The following ISM2 variants were observed in gnomAD, a reference collection of about 807,000 sequenced individuals.
The protein encoded by ISM2 is isthmin 2.
A neutral mutation model predicts 58.0 loss-of-function variants in ISM2; 50 were observed. The observed-to-expected ratio is 0.86, with a 90% CI of 0.69 to 1.09. The LOEUF is 1.09. Among genes scored for constraint, ISM2 ranks in the 50% least tolerant of loss-of-function variants. The probability of loss-of-function intolerance (pLI) is 0.00; values close to 1 mark genes in which losing one functional copy is unlikely to be tolerated. For synonymous variants in ISM2, 303 were observed against 312.4 expected, an observed-to-expected ratio of 0.97 and a Z score of 0.32; for missense variants, 723 against 745.0, an observed-to-expected ratio of 0.97 and a Z score of 0.34.
intron 1 of ISM2, 119 bp from the exon 2 acceptor site, chr14:77,485,038 T>C: frequency 9.7e-7 from 1 of 1,033,694 alleles, no homozygotes; most frequent in Non-Finnish European, 1.4e-6. Context: ...AAACTCACCC[T>C]GTGACTTACA....
Position 77,498,768 on chromosome 14 carries a change from C to A in ISM2, c.26G>T (p.Gly9Val), listed in dbSNP as rs2079266158. 1 of 1,467,894 alleles carries A rather than the reference C, an allele frequency of 6.8e-7. No individual in the cohort carries two copies. Among genetic ancestry groups the A allele is most frequent in the Non-Finnish European group, 8.9e-7 (1 of 1,118,694 alleles). The allele number at this position is 1,467,894 out of a possible 1,614,324, so 90.9% of individuals were successfully genotyped here. MRALRDRA[G>V]LLLCVLLLAA... ...CAGCAGCAGCACGCAGAGGAGGAGC[C>A]CGGCTCGGTCGCGGAGCGCACGCAT... Residue 9 changes from glycine (G) to valine (V), a missense_variant, in exon 1 of 7, where the codon GGG (glycine) becomes GTG (valine). Transcript: ENST00000342219.
intron 6 of ISM2, among the ~76,000 whole-genome samples, chr14:77,476,663 TA>T (rs1356735811): frequency 2.0e-5 from 3 of 152,052 alleles, no homozygotes; most frequent in Non-Finnish European, 2.9e-5. Context: ...GGCCTTTTTT[TA>T]AACTATATTT....
At chr14:77,479,331 G>T (rs1283533745) in intron 4 of ISM2, among the ~76,000 whole-genome samples, 3 of 150,292 alleles carry the variant, frequency 2.0e-5, no homozygotes, top group South Asian at 4.2e-4. Flanking sequence ...TGATTCTCCT[G>T]CCTCAGCCTC....
At chr14:77,482,154 A>T (rs2079135949) in intron 4 of ISM2, among the ~76,000 whole-genome samples, 168 bp downstream of exon 4, 1 of 151,540 alleles carries the variant, frequency 6.6e-6, no homozygotes, top group Admixed American at 6.6e-5. Flanking sequence ...AAACTCTGCA[A>T]GCTATTGTCA....
At chr14:77,493,557 G>A (rs1302279869) in intron 1 of ISM2, among the ~76,000 whole-genome samples, 1 of 152,058 alleles carries the variant, frequency 6.6e-6, no homozygotes, top group East Asian at 1.9e-4. Context: ...TGCCTCCTTA[G>A]TTCAAGCAAT....
At chr14:77,489,299 C>T (rs1942588260) in intron 1 of ISM2, among the ~76,000 whole-genome samples, 1 of 152,196 alleles carries the variant, frequency 6.6e-6, no homozygotes, top group South Asian at 2.1e-4. Context: ...AGCCCAGGCC[C>T]AACCACACAG....
At chr14:77,485,069 G>A in intron 1 of ISM2, 150 bp from the exon 2 acceptor site, 1 of 831,534 alleles carries the variant, frequency 1.2e-6, no homozygotes, top group East Asian at 2.5e-5. Context: ...GTGTGTATCT[G>A]TAGTGTAAAA....
chr14:77,484,968 C>T (rs368563683), intron 1 of ISM2, 49 bp from the exon 2 acceptor site: 14 of 1,516,106 alleles, frequency 9.2e-6, no homozygotes, highest in East Asian at 6.8e-5. Context: ...GCTCACCCCA[C>T]GGGGATCCGG....
intron 6 of ISM2, among the ~76,000 whole-genome samples, chr14:77,476,568 G>T (rs1324181113): frequency 6.6e-6 from 1 of 152,168 alleles, no homozygotes; most frequent in African/African-American, 2.4e-5. Context: ...AATCTGGCCT[G>T]GGGTGAGTCA....
chr14:77,498,479 C>T (rs1314777224), intron 1 of ISM2, 174 bp downstream of exon 1: 14 of 1,186,252 alleles, frequency 1.2e-5, no homozygotes, highest in Non-Finnish European at 1.7e-5. Flanking sequence ...CGAAGTCCGG[C>T]GCACCTGGGC....
intron 1 of ISM2, among the ~76,000 whole-genome samples, 191 bp from the exon 2 acceptor site, chr14:77,485,110 C>A (rs78371502): frequency 6.6e-6 from 1 of 152,122 alleles, no homozygotes; most frequent in Non-Finnish European, 1.5e-5. Flanking sequence ...AGGCCCTCAA[C>A]GGGTAAGTGA....
intron 1 of ISM2, among the ~76,000 whole-genome samples, chr14:77,492,362 G>A (rs556537306): frequency 2.0e-5 from 3 of 152,038 alleles, no homozygotes; most frequent in African/African-American, 4.8e-5. Context: ...TACTGGGCCC[G>A]CTGTCAGTTT....
rs1361395889 is a variant in ISM2, at chr14:77,475,902, G to A, written c.1409C>T (p.Pro470Leu). 6.2e-7 allele frequency: 1 copy of A among 1,602,742 alleles called. No homozygotes were observed. Among genetic ancestry groups the A allele is most frequent in the East Asian group, 2.2e-5 (1 of 44,876 alleles). ...GGAACGCAGGCAGAAGCGCGCCGTG[G>A]GCTGGTAGATGTCCAGGCGCTCGCG... Reference protein sequence around the residue: ...GPRERLDIYQPTARFCLRSML... With the variant: ...GPRERLDIYQLTARFCLRSML... Residue 470 changes from proline to leucine, a missense_variant, in exon 7 of 7, where the codon CCC becomes CTC. Transcript: ENST00000342219. The surrounding 1 kb of genome is among the most constrained non-coding windows in gnomAD (Gnocchi z 4.1).
intron 1 of ISM2, among the ~76,000 whole-genome samples, chr14:77,491,585 T>C (rs1290129773): frequency 6.6e-6 from 1 of 151,944 alleles, no homozygotes; most frequent in African/African-American, 2.4e-5. Flanking sequence ...AGAGACAGGG[T>C]TTCACCATGT....
At chr14:77,490,907 C>T (rs2079199419) in intron 1 of ISM2, among the ~76,000 whole-genome samples, 1 of 152,178 alleles carries the variant, frequency 6.6e-6, no homozygotes, top group Admixed American at 6.5e-5. Context: ...TAGCTGAGGT[C>T]CAGGAAGGTG....
chr14:77,476,253 G>A, intron 6 of ISM2, 141 bp from the exon 7 acceptor site: 1 of 884,894 alleles, frequency 1.1e-6, no homozygotes, highest in Non-Finnish European at 1.7e-6. Flanking sequence ...GTAGGGCCTT[G>A]GGGATGGAGA....
intron 1 of ISM2, among the ~76,000 whole-genome samples, chr14:77,489,540 G>T (rs2079188269): frequency 7.3e-6 from 1 of 136,548 alleles, no homozygotes; most frequent in African/African-American, 2.5e-5. Flanking sequence ...TTCCTGATTG[G>T]TAAGTACTAT....
chr14:77,475,523 A>AGGGCCCTACCC lies in ISM2; in HGVS notation c.*71_*72insGGGTAGGGCCC. ...CACCCTGTCTGGGCAGGGGCGGGTGAGGAAAGTTCTCCCGTGCAACAGCAG... is the reference window on the plus strand; with the variant it reads ...CACCCTGTCTGGGCAGGGGCGGGTGAGGGCCCTACCCGGAAAGTTCTCCCGTGCAACAGCAG... On this transcript the variant is annotated 3_prime_UTR_variant, in exon 7 of 7. Transcript: ENST00000342219. The surrounding 1 kb of genome is among the most constrained non-coding windows in gnomAD (Gnocchi z 4.1). 2 of 1,351,190 alleles carry AGGGCCCTACCC rather than the reference A, an allele frequency of 1.5e-6. No individual in the cohort carries two copies. The highest frequency in any genetic ancestry group is 9.5e-7 in the Non-Finnish European group (1 of 1,052,520). The allele number at this position is 1,351,190 out of a possible 1,614,324, so 83.7% of individuals were successfully genotyped here.
At chr14:77,481,371 T>C (rs2079131213) in intron 4 of ISM2, among the ~76,000 whole-genome samples, 1 of 152,054 alleles carries the variant, frequency 6.6e-6, no homozygotes, top group East Asian at 1.9e-4. Context: ...TCTGTCATCA[T>C]GAGAGGCTGG....
Sources: gnomAD v4.1 joint callset for allele counts (sites outside exome capture counted in the v4.1 genomes callset) on GRCh38, gnomAD v4.1.1 for gene constraint, Gnocchi (gnomAD v3.1) non-coding constraint, MANE v1.5 for transcripts, NCBI Gene and HGNC (gene_info 2026-07-23, HGNC 2026-07-21) for gene names.